ZBTB40: variants seen among roughly 807,000 people sequenced by gnomAD.
The protein encoded by ZBTB40 is zinc finger and BTB domain-containing protein 40.
Under a neutral mutation model 117.5 loss-of-function variants are expected in ZBTB40, and 60 were observed. The ratio of observed to expected loss-of-function variants is 0.51; its 90% CI spans 0.41 to 0.63. ZBTB40 has a LOEUF of 0.63. ZBTB40 is among the 30% of genes least tolerant of loss of function. ZBTB40 has a pLI of 0.00. For missense variants in ZBTB40, 1,287 were observed against 1,498.5 expected, an observed-to-expected ratio of 0.86 and a Z score of 2.33; for synonymous variants, 525 against 577.1, an observed-to-expected ratio of 0.91 and a Z score of 1.29.
At position 22,505,696 on chromosome 1, in the gene ZBTB40, G is replaced by T. The variant is rs544276380; in HGVS notation, c.1168-353G>T. ...TCAATCTGTGTTTCTCAATCTTAGC[G>T]TCCAGACAAGCCACATCTAAAGAAC... On this transcript the variant is annotated intron_variant, in intron 5 of 17. Coordinates refer to ENST00000375647, the MANE Select transcript of ZBTB40 (RefSeq NM_014870.4). 2.6e-5 allele frequency among the ~76,000 whole-genome samples: 4 copies of T among 152,188 alleles called. No homozygotes were observed. In the South Asian group the frequency reaches 6.2e-4, roughly 24 times the overall value.
intron 1 of ZBTB40, among the ~76,000 whole-genome samples, chr1:22,476,738 A>G (rs1380645501): frequency 1.3e-5 from 2 of 152,118 alleles, no homozygotes; most frequent in Non-Finnish European, 2.9e-5. Context: ...AGGCTTTAAT[A>G]TTGTTCCTTT....
chr1:22,516,186 G>C (rs1048024104), intron 12 of ZBTB40, among the ~76,000 whole-genome samples: 11 of 152,108 alleles, frequency 7.2e-5, no homozygotes, highest in Non-Finnish European at 1.6e-4. Flanking sequence ...TGGTGGCTGT[G>C]GGGGTGATGG....
At chr1:22,487,814 T>C (rs769933602) in intron 1 of ZBTB40, among the ~76,000 whole-genome samples, 2 of 152,156 alleles carry the variant, frequency 1.3e-5, no homozygotes, top group Non-Finnish European at 2.9e-5. Flanking sequence ...TGGCTGCTCA[T>C]TGCTTTTAGG....
chr1:22,503,607 G>A (rs765155245), intron 5 of ZBTB40, among the ~76,000 whole-genome samples: 2 of 132,908 alleles, frequency 1.5e-5, no homozygotes, highest in African/African-American at 2.7e-5. Flanking sequence ...GCACATGTGC[G>A]CACGCACACA....
chr1:22,472,246 C>T (rs1278901490), intron 1 of ZBTB40, among the ~76,000 whole-genome samples: 1 of 150,732 alleles, frequency 6.6e-6, no homozygotes, highest in Non-Finnish European at 1.5e-5. Flanking sequence ...TACACTGGTA[C>T]AAACATGGCT....
At chr1:22,500,706 G>T (rs1442206053) in intron 3 of ZBTB40, among the ~76,000 whole-genome samples, 1 of 152,162 alleles carries the variant, frequency 6.6e-6, no homozygotes, top group Non-Finnish European at 1.5e-5. Context: ...GTTGGTTAGG[G>T]GAAGAATCTG....
chr1:22,476,374 A>G (rs1462477709), intron 1 of ZBTB40, among the ~76,000 whole-genome samples: 4 of 152,048 alleles, frequency 2.6e-5, no homozygotes, highest in Non-Finnish European at 5.9e-5. Flanking sequence ...ACATGCCACT[A>G]CACCTGGCTA....
At position 22,525,720 on chromosome 1, in the gene ZBTB40, G is replaced by A. The variant is rs555754385; in HGVS notation, c.3526-482G>A. 6.6e-5 allele frequency among the ~76,000 whole-genome samples: 10 copies of A among 152,358 alleles called. No individual in the cohort carries two copies. In the East Asian group the frequency reaches 1.9e-3, roughly 29 times the overall value. ...TCATCCAGTCTTCCTCCTAAGCTCG[G>A]TCACTGTGTGGCCTCCTGGGAAGGC... On this transcript the variant is annotated intron_variant, in intron 17 of 17. Transcript: ENST00000375647.
At position 22,511,134 on chromosome 1, in the gene ZBTB40, CT is replaced by C. The variant is rs759966836; in HGVS notation, c.1834-44del. 11 of 1,438,850 alleles carry C rather than the reference CT, an allele frequency of 7.6e-6. 1 individual carries two copies. In the African/African-American group the frequency reaches 1.3e-4, roughly 17 times the overall value. 89.1% of individuals were successfully genotyped at this position (1,438,850 alleles called of 1,614,324 possible). A position where few individuals can be genotyped will look rare whatever the true frequency, so the allele number is the denominator to read the frequency against. ...TTAGGTTGAAAACCATGGGGAAAATCTGCTGAGATTAACCCCACACCTTTGT... is the reference window on the plus strand; with the variant it reads ...TTAGGTTGAAAACCATGGGGAAAATCGCTGAGATTAACCCCACACCTTTGT... On this transcript the variant is annotated intron_variant, in intron 9 of 17. Transcript: ENST00000375647.
intron 1 of ZBTB40, among the ~76,000 whole-genome samples, chr1:22,459,841 G>A (rs1224211482): frequency 6.6e-6 from 1 of 152,148 alleles, no homozygotes; most frequent in East Asian, 1.9e-4. Context: ...ATTATGGTCT[G>A]TCTTTTCATT....
intron 1 of ZBTB40, among the ~76,000 whole-genome samples, chr1:22,444,899 A>G (rs1640771193): frequency 6.6e-6 from 1 of 151,790 alleles, no homozygotes; most frequent in South Asian, 2.1e-4. Flanking sequence ...GTAAACTTCC[A>G]CTCCAGCTCT....
intron 1 of ZBTB40, among the ~76,000 whole-genome samples, chr1:22,462,274 ACT>A (rs1641150648): frequency 2.0e-5 from 3 of 152,146 alleles, no homozygotes; most frequent in African/African-American, 7.2e-5. Context: ...GCATGAGTTC[ACT>A]GACTGACTCT....
At chr1:22,511,376 T>C (rs1222501136) in intron 10 of ZBTB40, 29 bp downstream of exon 10, 2 of 1,611,804 alleles carry the variant, frequency 1.2e-6, no homozygotes, top group East Asian at 2.2e-5. Flanking sequence ...GGGAAGGGGG[T>C]TCCTATCAGC....
At chr1:22,517,006 C>T (rs1404325733) in intron 12 of ZBTB40, among the ~76,000 whole-genome samples, 3 of 152,112 alleles carry the variant, frequency 2.0e-5, no homozygotes, top group East Asian at 1.9e-4. Context: ...GAGTAGAGTG[C>T]GCTCTTCCAT....
chr1:22,468,643 C>CCT, intron 1 of ZBTB40, among the ~76,000 whole-genome samples: 1 of 28,608 alleles, frequency 3.5e-5, no homozygotes, highest in African/African-American at 1.5e-4. Flanking sequence ...GCCTGGCTGG[C>CCT]TTTTTTTTTT....
intron 3 of ZBTB40, among the ~76,000 whole-genome samples, chr1:22,494,489 G>A (rs1444954417): frequency 6.6e-6 from 1 of 152,136 alleles, no homozygotes; most frequent in Non-Finnish European, 1.5e-5. Context: ...TGATTCTTAG[G>A]CTGTGTTAGA....
rs1333485028 is a variant in ZBTB40, at chr1:22,512,051, G to A, written c.2378G>A (p.Gly793Glu). 6.2e-7 allele frequency: 1 copy of A among 1,614,144 alleles called. No homozygotes were observed. Among genetic ancestry groups the A allele is most frequent in the Non-Finnish European group, 8.5e-7 (1 of 1,180,046 alleles). The change falls in exon 11 of 18, where the codon GGA (glycine) becomes GAA (glutamate). Residue 793 changes from glycine to glutamate, a missense_variant. By Grantham distance (98) the Gly-to-Glu change is moderately conservative. Around this residue, in one of 2 missense-constraint regions of ZBTB40, gnomAD observed 870 missense variants for 934.4 expected, o/e 0.93. Transcript: ENST00000375647. ...KHQLEAHGAGGEPDAPKKKKK... is the reference protein window; with the variant it reads ...KHQLEAHGAGEEPDAPKKKKK... Reference sequence around the variant, plus strand: ...CAGCTGGAGGCCCATGGTGCAGGTGGAGAGCCCGATGCCCCCAAGAAGAAG... The same window carrying A: ...CAGCTGGAGGCCCATGGTGCAGGTGAAGAGCCCGATGCCCCCAAGAAGAAG...
chr1:22,518,551 C>T (rs1168485118), intron 13 of ZBTB40, among the ~76,000 whole-genome samples: 2 of 152,170 alleles, frequency 1.3e-5, no homozygotes, highest in African/African-American at 4.8e-5. Flanking sequence ...CCCTCCCCAC[C>T]CCTCTTCCCA....
intron 1 of ZBTB40, among the ~76,000 whole-genome samples, chr1:22,443,403 C>G (rs373941630): frequency 6.6e-6 from 1 of 152,212 alleles, no homozygotes; most frequent in Non-Finnish European, 1.5e-5. Context: ...CATCTCAAAG[C>G]AGGGGCAAGG....
Sources: allele counts gnomAD v4.1 joint callset (sites outside exome capture counted in the v4.1 genomes callset), GRCh38; gene constraint gnomAD v4.1.1; regional missense constraint gnomAD v4.1.1; transcripts MANE v1.5; gene names NCBI Gene and HGNC (gene_info 2026-07-23, HGNC 2026-07-21).